Variants in TSGA10 observed in about 807,000 individuals in gnomAD.
The protein encoded by TSGA10 is testis specific 10, also known as testis-specific gene 10 protein.
Under a neutral mutation model 96.6 loss-of-function variants are expected in TSGA10, and 43 were observed. That is an observed-to-expected ratio of 0.44 (90% CI 0.35 to 0.57). The LOEUF (loss-of-function observed/expected upper bound fraction) is 0.57. TSGA10 is among the 20% of genes least tolerant of loss of function. The pLI is 0.01. For synonymous variants in TSGA10, 229 were observed against 269.9 expected (o/e 0.85, Z 1.48); for missense variants, 703 against 834.4 (o/e 0.84, Z 1.94).
At chr2:99,057,039 A>G (rs771489387) in intron 16 of TSGA10, among the ~76,000 whole-genome samples, 9 of 152,098 alleles carry the variant, frequency 5.9e-5, no homozygotes, top group Non-Finnish European at 1.2e-4. Flanking sequence ...TGATAAATAC[A>G]CTCTTCAAAG....
Position 99,020,339 on chromosome 2 carries a change from T to C in TSGA10, c.1758A>G (p.Gln586=), listed in dbSNP as rs1480736731. The C allele has an allele frequency of 4.3e-6, 7 of 1,613,836 alleles. No homozygotes were observed. The highest frequency in any genetic ancestry group is 5.9e-6 in the Non-Finnish European group (7 of 1,179,914). Residue 586 remains glutamine (Q), a synonymous_variant, in exon 18 of 21, where the codon CAA becomes CAG. Coordinates refer to ENST00000393483, the MANE Select transcript of TSGA10 (RefSeq NM_025244.4). Reference sequence around the variant, plus strand: ...GAAGCTGAATTTCAGATTCTTTTTCTTGAAGTGCTATCTGAGACTGATATT... The same window carrying C: ...GAAGCTGAATTTCAGATTCTTTTTCCTGAAGTGCTATCTGAGACTGATATT... ...DKEYQSQIAL[Q]EKESEIQLLK...
At chr2:99,077,541 G>A (rs2086864425) in intron 12 of TSGA10, among the ~76,000 whole-genome samples, 2 of 151,966 alleles carry the variant, frequency 1.3e-5, no homozygotes, top group Non-Finnish European at 2.9e-5. Context: ...TCTCTGCCTT[G>A]TTGGCAACAC....
intron 20 of TSGA10, among the ~76,000 whole-genome samples, chr2:99,001,721 G>T (rs551207047): frequency 7.3e-4 from 111 of 152,240 alleles, no homozygotes; most frequent in African/African-American, 2.6e-3. Flanking sequence ...CCATCGCAAA[G>T]AAGCTAAAAA....
chr2:99,017,651 G>A (rs1355076895), intron 20 of TSGA10, among the ~76,000 whole-genome samples: 1 of 151,250 alleles, frequency 6.6e-6, no homozygotes, highest in Non-Finnish European at 1.5e-5. Flanking sequence ...TGTAGTCCCA[G>A]CTACTTGGGA....
intron 15 of TSGA10, among the ~76,000 whole-genome samples, chr2:99,068,538 A>T (rs2085532792): frequency 6.6e-6 from 1 of 152,152 alleles, no homozygotes; most frequent in African/African-American, 2.4e-5. Flanking sequence ...ACCAATTCTG[A>T]TCTGCTACAT....
rs1172123471 is a variant in TSGA10 at position 98,997,263 on chromosome 2, C to T, written c.*934G>A. Reference sequence around the variant, plus strand: ...AGAAATTGTCTACATCATATGAATACTATTAATGACAAGCCTTTTTTTATT... The same window carrying T: ...AGAAATTGTCTACATCATATGAATATTATTAATGACAAGCCTTTTTTTATT... On this transcript the variant is annotated 3_prime_UTR_variant, in exon 21 of 21. Transcript: ENST00000393483. The T allele has an allele frequency of 6.6e-6, 1 of 151,980 alleles. No homozygotes were observed. The highest frequency in any genetic ancestry group is 2.1e-4 in the South Asian group (1 of 4,818). The allele number at this position is 151,980 out of a possible 1,614,324, so 9.4% of individuals were successfully genotyped here.
intron 9 of TSGA10, among the ~76,000 whole-genome samples, chr2:99,104,551 T>G (rs1294139254): frequency 6.6e-6 from 1 of 152,046 alleles, no homozygotes; most frequent in Non-Finnish European, 1.5e-5. Flanking sequence ...CTCGGCTCAC[T>G]GCAATCTCCA....
intron 10 of TSGA10, chr2:99,102,661 G>C (rs1188645514): frequency 6.2e-7 from 1 of 1,614,000 alleles, no homozygotes; most frequent in Non-Finnish European, 8.5e-7. Flanking sequence ...AAATTCTATG[G>C]TGTAAAGTTC....
At chr2:99,024,194 A>G (rs990883139) in intron 17 of TSGA10, among the ~76,000 whole-genome samples, 1 of 151,864 alleles carries the variant, frequency 6.6e-6, no homozygotes, top group Non-Finnish European at 1.5e-5. Flanking sequence ...GGTTCAAGCG[A>G]TTCTCCTGCC....
chr2:99,109,826 A>G (rs1435468467), intron 5 of TSGA10, among the ~76,000 whole-genome samples: 1 of 152,176 alleles, frequency 6.6e-6, no homozygotes, highest in Non-Finnish European at 1.5e-5. Flanking sequence ...ATGTCCACAG[A>G]CCTAGCACAC....
chr2:99,037,237 G>A (rs1211603644), intron 16 of TSGA10, among the ~76,000 whole-genome samples: 9 of 152,068 alleles, frequency 5.9e-5, no homozygotes, highest in South Asian at 4.2e-4. Flanking sequence ...GACAGACTAC[G>A]TATGCCCTAT....
chr2:99,021,649 C>T (rs2080014247), intron 17 of TSGA10, among the ~76,000 whole-genome samples: 1 of 152,150 alleles, frequency 6.6e-6, no homozygotes, highest in South Asian at 2.1e-4. Context: ...TTACAGGATG[C>T]TTAGCAGTAT....
chr2:99,034,011 C>T (rs2081373641), intron 17 of TSGA10, among the ~76,000 whole-genome samples: 1 of 152,084 alleles, frequency 6.6e-6, no homozygotes, highest in Admixed American at 6.5e-5. Flanking sequence ...AGCATTACTT[C>T]CCAATCACAA....
chr2:99,107,474 T>G (rs1017799928), intron 7 of TSGA10, among the ~76,000 whole-genome samples: 1 of 152,172 alleles, frequency 6.6e-6, no homozygotes, highest in Non-Finnish European at 1.5e-5. Context: ...AAAAGATTGT[T>G]TGTTGCTTAT....
At chr2:99,109,559 T>C (rs2091635224) in intron 5 of TSGA10, 47 bp from the exon 6 acceptor site, 2 of 1,412,848 alleles carry the variant, frequency 1.4e-6, no homozygotes, top group African/African-American at 1.4e-5. Context: ...AAAATTATCT[T>C]GCCAAAGAGG....
At chr2:99,006,463 C>T (rs1341373753) in intron 20 of TSGA10, among the ~76,000 whole-genome samples, 3 of 152,100 alleles carry the variant, frequency 2.0e-5, no homozygotes, top group Admixed American at 1.3e-4. Context: ...AAACAAACAA[C>T]CCCATCAAAA....
chr2:99,106,470 A>G (rs2091343571), intron 7 of TSGA10, among the ~76,000 whole-genome samples: 1 of 151,980 alleles, frequency 6.6e-6, no homozygotes, highest in South Asian at 2.1e-4. Context: ...TCAGTCATGT[A>G]CAGTGCTCCC....
chr2:99,131,333 C>G (rs2105027694), intron 1 of TSGA10, among the ~76,000 whole-genome samples: 1 of 152,236 alleles, frequency 6.6e-6, no homozygotes, highest in East Asian at 1.9e-4. Flanking sequence ...TTGAAGAGGT[C>G]CTTCCCATCA....
At chr2:99,070,240 A>G (rs2085785591) in intron 14 of TSGA10, among the ~76,000 whole-genome samples, 1 of 152,154 alleles carries the variant, frequency 6.6e-6, no homozygotes, top group Non-Finnish European at 1.5e-5. Context: ...GATATACTGG[A>G]CAGTACAGTA....
Sources: allele counts gnomAD v4.1 joint callset (sites outside exome capture counted in the v4.1 genomes callset), GRCh38; gene constraint gnomAD v4.1.1; transcripts MANE v1.5; gene names NCBI Gene and HGNC (gene_info 2026-07-23, HGNC 2026-07-21).